RBMS1: variants seen among roughly 807,000 people sequenced by gnomAD.
RBMS1 encodes RNA-binding motif, single-stranded-interacting protein 1.
A neutral mutation model predicts 62.3 loss-of-function variants in RBMS1; 17 were observed. The observed-to-expected ratio is 0.27, with a 90% CI of 0.19 to 0.41. The LOEUF (loss-of-function observed/expected upper bound fraction) is 0.41, where lower values mean the gene tolerates loss of function less well. Among genes scored for constraint, RBMS1 ranks in the 10% least tolerant of loss-of-function variants. The probability of loss-of-function intolerance (pLI) is 1.00; values close to 1 mark genes in which losing one functional copy is unlikely to be tolerated. For synonymous variants in RBMS1, 172 were observed against 170.0 expected (o/e 1.01, Z -0.09); for missense variants, 334 against 504.5 (o/e 0.66, Z 3.24).
chr2:160,417,832 A>G (rs1696264079), intron 1 of RBMS1, among the ~76,000 whole-genome samples: 1 of 152,218 alleles, frequency 6.6e-6, no homozygotes, highest in Non-Finnish European at 1.5e-5. Context: ...AATCTTCCTA[A>G]GAACACAGAG....
At chr2:160,314,153 A>G (rs1476962667) in intron 3 of RBMS1, among the ~76,000 whole-genome samples, 1 of 152,200 alleles carries the variant, frequency 6.6e-6, no homozygotes, top group Non-Finnish European at 1.5e-5. Context: ...CTATGCAAAG[A>G]ATAGGACTTA....
intron 1 of RBMS1, among the ~76,000 whole-genome samples, chr2:160,443,363 A>G (rs1683499131): frequency 6.6e-6 from 1 of 152,116 alleles, no homozygotes; most frequent in Non-Finnish European, 1.5e-5. Flanking sequence ...CATGTGCTAT[A>G]GTCTGAATAT....
chr2:160,493,022 G>A (rs1041166293), intron 1 of RBMS1: 1 of 395,088 alleles, frequency 2.5e-6, no homozygotes, highest in Non-Finnish European at 4.5e-6. Context: ...CCCGCTGGCC[G>A]GGCCAGGAAG....
chr2:160,479,726 A>C (rs1685289017), intron 1 of RBMS1, among the ~76,000 whole-genome samples: 1 of 152,310 alleles, frequency 6.6e-6, no homozygotes, highest in African/African-American at 2.4e-5. Context: ...TCTCATCTGT[A>C]AAATGAGTGG....
At chr2:160,463,591 C>T (rs1301847308) in intron 1 of RBMS1, among the ~76,000 whole-genome samples, 2 of 152,198 alleles carry the variant, frequency 1.3e-5, no homozygotes, top group African/African-American at 4.8e-5. Flanking sequence ...TCGAGACCAG[C>T]CTGGCTAACA....
At chr2:160,362,650 G>T (rs1346390537) in intron 2 of RBMS1, among the ~76,000 whole-genome samples, 3 of 152,124 alleles carry the variant, frequency 2.0e-5, no homozygotes, top group Non-Finnish European at 4.4e-5. Context: ...ACATAATAAT[G>T]ATGAAGAAAT....
intron 2 of RBMS1, among the ~76,000 whole-genome samples, chr2:160,357,025 G>A (rs1305489693): frequency 1.3e-5 from 2 of 151,998 alleles, no homozygotes; most frequent in Admixed American, 1.3e-4. Flanking sequence ...ACTCAATAAG[G>A]AAATTCTACA....
At chr2:160,365,977 G>T (rs963784834) in intron 2 of RBMS1, among the ~76,000 whole-genome samples, 1 of 152,174 alleles carries the variant, frequency 6.6e-6, no homozygotes, top group Non-Finnish European at 1.5e-5. Context: ...GCTAGTGCAG[G>T]ACATTATTTC....
intron 6 of RBMS1, among the ~76,000 whole-genome samples, chr2:160,297,341 C>A (rs747885441): frequency 2.0e-5 from 3 of 150,636 alleles, no homozygotes; most frequent in Non-Finnish European, 4.4e-5. Context: ...ATGCTAGTGG[C>A]TGGCTGCAAA....
chr2:160,336,826 A>C (rs1691599970), intron 2 of RBMS1, among the ~76,000 whole-genome samples: 1 of 152,144 alleles, frequency 6.6e-6, no homozygotes, highest in Non-Finnish European at 1.5e-5. Flanking sequence ...GCAGATATAG[A>C]TGTTTATGGG....
At chr2:160,298,493 C>T (rs1303996001) in intron 6 of RBMS1, among the ~76,000 whole-genome samples, 2 of 152,074 alleles carry the variant, frequency 1.3e-5, no homozygotes, top group African/African-American at 4.8e-5. Flanking sequence ...AAATGGAATT[C>T]AAGGCAACAC....
At chr2:160,307,221 T>C (rs926645294) in intron 4 of RBMS1, among the ~76,000 whole-genome samples, 1 of 152,118 alleles carries the variant, frequency 6.6e-6, no homozygotes, top group Non-Finnish European at 1.5e-5. Context: ...AGCAGACATC[T>C]GTTTTCTCTT....
intron 1 of RBMS1, among the ~76,000 whole-genome samples, chr2:160,378,540 A>AG (rs1266668875): frequency 2.6e-5 from 4 of 151,786 alleles, no homozygotes; most frequent in African/African-American, 9.7e-5. Flanking sequence ...TTGAGCCGGG[A>AG]GGTCAAGGCT....
At chr2:160,418,252 A>G (rs774603908) in intron 1 of RBMS1, among the ~76,000 whole-genome samples, 3 of 152,206 alleles carry the variant, frequency 2.0e-5, no homozygotes, top group Admixed American at 6.5e-5. Context: ...ATACACAGAC[A>G]CGCATACACT....
chr2:160,373,510 A>G (rs949316041), intron 1 of RBMS1, among the ~76,000 whole-genome samples: 4 of 152,174 alleles, frequency 2.6e-5, no homozygotes, highest in Non-Finnish European at 5.9e-5. Flanking sequence ...TTCCTTCAAA[A>G]GTTCTTCTAA....
intron 1 of RBMS1, among the ~76,000 whole-genome samples, chr2:160,384,268 T>C (rs1208348050): frequency 6.6e-6 from 1 of 152,244 alleles, no homozygotes; most frequent in Non-Finnish European, 1.5e-5. Context: ...ATTTTCTTTA[T>C]GGCATAGAAT....
intron 1 of RBMS1, among the ~76,000 whole-genome samples, chr2:160,458,519 G>A (rs186189254): frequency 3.3e-5 from 5 of 152,190 alleles, no homozygotes; most frequent in East Asian, 1.9e-4. Context: ...TTGCCAGGCC[G>A]GGCACGGTGG....
intron 9 of RBMS1, chr2:160,281,605 A>G: frequency 7.8e-6 from 3 of 383,086 alleles, no homozygotes; most frequent in Non-Finnish European, 1.4e-5. Context: ...GTTGAGTATC[A>G]GGCAACAAAG....
chr2:160,290,774 G>A (rs191688645), intron 6 of RBMS1, among the ~76,000 whole-genome samples: 31 of 152,182 alleles, frequency 2.0e-4, no homozygotes, highest in African/African-American at 6.7e-4. Context: ...AATATTTTCC[G>A]GCATCTCTTA....
Sources: allele counts gnomAD v4.1 joint callset (sites outside exome capture counted in the v4.1 genomes callset), GRCh38; gene constraint gnomAD v4.1.1; transcripts MANE v1.5; gene names NCBI Gene and HGNC (gene_info 2026-07-23, HGNC 2026-07-21).